SUSD3: variants seen among roughly 807,000 people sequenced by gnomAD.
SUSD3 encodes the protein sushi domain containing 3, also known as sushi domain-containing protein 3.
SUSD3 carries 18 observed loss-of-function variants against 20.6 expected under a neutral mutation model. That is an observed-to-expected ratio of 0.87 (90% CI 0.60 to 1.30). SUSD3 has a LOEUF of 1.30. SUSD3 is among the 50% of genes most tolerant of loss of function. The pLI, the probability that SUSD3 is intolerant of heterozygous loss-of-function variation, is 0.00. For synonymous variants in SUSD3, 137 were observed against 141.5 expected (o/e 0.97, Z 0.23); for missense variants, 306 against 346.9 (o/e 0.88, Z 0.94).
At chr9:93,062,295 G>A (rs1413991154) in intron 1 of SUSD3, among the ~76,000 whole-genome samples, 1 of 152,226 alleles carries the variant, frequency 6.6e-6, no homozygotes, top group Non-Finnish European at 1.5e-5. Context: ...GCAGGGCCTC[G>A]TGTGTTTTTA....
chr9:93,072,093 AT>A (rs968033409), intron 1 of SUSD3, among the ~76,000 whole-genome samples: 10 of 152,058 alleles, frequency 6.6e-5, no homozygotes, highest in African/African-American at 1.9e-4. Context: ...TACAGCACCC[AT>A]TAGGCCCCCA....
At chr9:93,073,770 C>A (rs1019188816) in intron 1 of SUSD3, among the ~76,000 whole-genome samples, 1 of 152,336 alleles carries the variant, frequency 6.6e-6, no homozygotes. Flanking sequence ...TGGAACACTT[C>A]ACTGCTGTGA....
intron 1 of SUSD3, among the ~76,000 whole-genome samples, chr9:93,070,309 A>G (rs1018336496): frequency 2.0e-5 from 3 of 152,198 alleles, no homozygotes; most frequent in African/African-American, 7.2e-5. Context: ...TAATACAGAT[A>G]AAGAATGTGG....
At chr9:93,079,181 G>A (rs1394677872) in intron 3 of SUSD3, among the ~76,000 whole-genome samples, 1 of 152,162 alleles carries the variant, frequency 6.6e-6, no homozygotes, top group East Asian at 1.9e-4. Context: ...GCACTGTCCA[G>A]CCCTAGAACT....
At position 93,084,761 on chromosome 9, in the gene SUSD3, C is replaced by T. The variant is rs1826586195; in HGVS notation, c.*14C>T. 6.8e-7 allele frequency: 1 copy of T among 1,472,244 alleles called. No homozygotes were observed. 91.2% of individuals were successfully genotyped at this position (1,472,244 alleles called of 1,614,324 possible). A position where few individuals can be genotyped will look rare whatever the true frequency, so the allele number is the denominator to read the frequency against. ...GCCCTAGGGTGACCACGCAGTGAGG[C>T]TGGTGCCCATGCTCCACACTGGGAG... On this transcript the variant is annotated 3_prime_UTR_variant, in exon 5 of 5. Transcript: ENST00000375472.
intron 1 of SUSD3, chr9:93,069,260 C>A (rs1195790331): frequency 4.7e-6 from 3 of 631,778 alleles, no homozygotes; most frequent in Non-Finnish European, 8.7e-6. Flanking sequence ...GGTTATCAGA[C>A]CCCCTGATAC....
In SUSD3 at chr9:93,084,984, A is replaced by T; in HGVS notation, c.*237A>T. Reference sequence around the variant, plus strand: ...GCCGTAACGATTTTTATAGTTATGGACTACTTGAAACCACTACTGAGGGTA... The same window carrying T: ...GCCGTAACGATTTTTATAGTTATGGTCTACTTGAAACCACTACTGAGGGTA... On this transcript the variant is annotated 3_prime_UTR_variant, in exon 5 of 5. Coordinates refer to ENST00000375472, the MANE Select transcript of SUSD3 (RefSeq NM_145006.4). 1 of 400,778 alleles carries T rather than the reference A, an allele frequency of 2.5e-6. No individual in the cohort carries two copies. The highest frequency in any genetic ancestry group is 4.4e-6 in the Non-Finnish European group (1 of 227,014). 24.8% of individuals were successfully genotyped at this position (400,778 alleles called of 1,614,324 possible). A position where few individuals can be genotyped will look rare whatever the true frequency, so the allele number is the denominator to read the frequency against.
chr9:93,072,192 A>G (rs1227077369), intron 1 of SUSD3, among the ~76,000 whole-genome samples: 2 of 151,978 alleles, frequency 1.3e-5, no homozygotes, highest in Non-Finnish European at 2.9e-5. Context: ...TTCCCTTGCT[A>G]GCAAGTATCC....
intron 1 of SUSD3, among the ~76,000 whole-genome samples, chr9:93,065,719 T>C (rs1419103930): frequency 1.3e-5 from 2 of 152,222 alleles, no homozygotes; most frequent in Non-Finnish European, 2.9e-5. Context: ...AAAAGCAAAG[T>C]GGTCCCTGGC....
chr9:93,083,357 C>T (rs988466081), intron 4 of SUSD3, among the ~76,000 whole-genome samples: 1 of 152,096 alleles, frequency 6.6e-6, no homozygotes, highest in African/African-American at 2.4e-5. Context: ...GCCCTGGGCC[C>T]CGGGCTCCCA....
intron 1 of SUSD3, among the ~76,000 whole-genome samples, chr9:93,071,194 G>C (rs1056538833): frequency 1.3e-5 from 2 of 152,180 alleles, no homozygotes; most frequent in Admixed American, 1.3e-4. Context: ...TATATATAAA[G>C]GGGAGTTTAT....
At chr9:93,068,367 A>G (rs1825794265) in intron 1 of SUSD3, among the ~76,000 whole-genome samples, 1 of 152,164 alleles carries the variant, frequency 6.6e-6, no homozygotes, top group Admixed American at 6.5e-5. Context: ...TAATTTTAGC[A>G]TATGGTATGA....
intron 2 of SUSD3, 105 bp from the exon 3 acceptor site, chr9:93,077,741 G>A (rs1275970342): frequency 1.6e-6 from 2 of 1,286,588 alleles, no homozygotes; most frequent in Admixed American, 3.9e-5. Context: ...CCCAGGCCCT[G>A]TCTACACCCA....
At chr9:93,083,412 C>T (rs1244913979) in intron 4 of SUSD3, among the ~76,000 whole-genome samples, 5 of 152,252 alleles carry the variant, frequency 3.3e-5, no homozygotes, top group Admixed American at 1.3e-4. Flanking sequence ...GCCCACCCCT[C>T]AGGCAGGGCC....
intron 1 of SUSD3, among the ~76,000 whole-genome samples, chr9:93,061,723 A>C (rs10115063): frequency 0.013 from 1,928 of 152,326 alleles, 43 homozygotes; most frequent in African/African-American, 0.043. Context: ...CTGTTCTCAA[A>C]GCACCTCTGT....
chr9:93,066,387 C>A (rs1825712858), intron 1 of SUSD3, among the ~76,000 whole-genome samples: 1 of 152,126 alleles, frequency 6.6e-6, no homozygotes, highest in Non-Finnish European at 1.5e-5. Flanking sequence ...GCGCACGCCA[C>A]CACGCCCAGC....
At chr9:93,078,637 G>A (rs1826273576) in intron 3 of SUSD3, among the ~76,000 whole-genome samples, 1 of 152,122 alleles carries the variant, frequency 6.6e-6, no homozygotes, top group Non-Finnish European at 1.5e-5. Context: ...TGCCACACAC[G>A]CCCCCTAAAC....
intron 1 of SUSD3, among the ~76,000 whole-genome samples, chr9:93,062,831 C>T (rs941489121): frequency 1.3e-5 from 2 of 152,132 alleles, no homozygotes; most frequent in African/African-American, 2.4e-5. Context: ...CTTGGAATGT[C>T]CCTGGGAGTT....
chr9:93,073,084 G>A (rs540288094), intron 1 of SUSD3, among the ~76,000 whole-genome samples: 28 of 152,190 alleles, frequency 1.8e-4, no homozygotes, highest in South Asian at 1.2e-3. Flanking sequence ...GCATGCCCCA[G>A]TTTTTGTCCC....
Sources: gnomAD v4.1 joint callset for allele counts (sites outside exome capture counted in the v4.1 genomes callset) on GRCh38, gnomAD v4.1.1 for gene constraint, MANE v1.5 for transcripts, NCBI Gene and HGNC (gene_info 2026-07-23, HGNC 2026-07-21) for gene names.